Variants in RRP7A observed in about 807,000 individuals in gnomAD.
RRP7A encodes the protein ribosomal RNA-processing protein 7 homolog A.
In RRP7A, 27 loss-of-function variants were observed where a neutral mutation model predicts 38.4. The observed-to-expected ratio is 0.70, with a 90% CI of 0.52 to 0.97. The LOEUF (loss-of-function observed/expected upper bound fraction) is 0.97. RRP7A is among the 50% of genes least tolerant of loss of function. The probability of loss-of-function intolerance (pLI) is 0.00; values close to 1 mark genes in which losing one functional copy is unlikely to be tolerated. For synonymous variants in RRP7A, 124 were observed against 150.3 expected (o/e 0.83, Z 1.28); for missense variants, 327 against 375.4 (o/e 0.87, Z 1.07).
intron 6 of RRP7A, 57 bp from the exon 7 acceptor site, chr22:42,513,052 C>G (rs1251217452): frequency 6.9e-7 from 1 of 1,440,090 alleles, no homozygotes; most frequent in East Asian, 2.3e-5. Flanking sequence ...GGGAAGCTGG[C>G]TTGCTCATGC....
At chr22:42,516,919 T>G (rs1920931478) in intron 2 of RRP7A, among the ~76,000 whole-genome samples, 2 of 152,176 alleles carry the variant, frequency 1.3e-5, no homozygotes, top group South Asian at 4.1e-4. Flanking sequence ...TCTACATGCT[T>G]CTTTTTTTCT....
rs1212400975 is a variant in RRP7A at position 42,509,626 on chromosome 22, G to T, written c.*3284C>A. On this transcript the variant is annotated 3_prime_UTR_variant, in exon 7 of 7. Transcript: ENST00000323013. The stretch of plus-strand genomic sequence containing the variant: ...TTACAGGCGAGAGCCACCGTGCGTG[G>T]CCCACCATAGACGATTTTTAAGCCA... Among the ~76,000 whole-genome samples, 1 of 151,862 alleles carries T rather than the reference G, an allele frequency of 6.6e-6. No homozygotes were observed. Among genetic ancestry groups the T allele is most frequent in the African/African-American group, 2.4e-5 (1 of 41,352 alleles).
chr22:42,511,537 C>T lies in RRP7A; in HGVS notation c.*1373G>A. 6.2e-6 allele frequency: 1 copy of T among 161,462 alleles called. No individual in the cohort carries two copies. The allele number at this position is 161,462 out of a possible 1,614,324, so 10.0% of individuals were successfully genotyped here. A position where few individuals can be genotyped will look rare whatever the true frequency, so the allele number is the denominator to read the frequency against. On this transcript the variant is annotated 3_prime_UTR_variant, in exon 7 of 7. Coordinates refer to ENST00000323013, the MANE Select transcript of RRP7A (RefSeq NM_015703.5). ...ACCTGGCTGCCTCATCCCTCTGCAC[C>T]CATCACGCCAGTGGGCATGCTGGCT...
At position 42,512,144 on chromosome 22, in the gene RRP7A, C is replaced by T. The variant is rs1445017773; in HGVS notation, c.*766G>A. 1 of 1,547,420 alleles carries T rather than the reference C, an allele frequency of 6.5e-7. No homozygotes were observed. The highest frequency in any genetic ancestry group is 1.3e-5 in the African/African-American group (1 of 74,098). On this transcript the variant is annotated 3_prime_UTR_variant, in exon 7 of 7. Transcript: ENST00000323013. ...GGTTCCAGTTTGTGGAAGTCCCAGG[C>T]AATCACTGTGTCCACATGAGCGAAC...
chr22:42,513,251 G>A (rs375591924), intron 6 of RRP7A, among the ~76,000 whole-genome samples: 12 of 141,906 alleles, frequency 8.5e-5, no homozygotes, highest in East Asian at 7.9e-4. Context: ...AAGCCCTAGC[G>A]ACAAAGCAAA....
chr22:42,514,580 A>G lies in RRP7A; in HGVS notation c.558+102T>C, dbSNP rs1018495274. On this transcript the variant is annotated intron_variant, in intron 5 of 6. Coordinates refer to ENST00000323013, the MANE Select transcript of RRP7A (RefSeq NM_015703.5). ...GGGAAACAGGGAGCCTGGCCTCTAC[A>G]GAGTGGCCAAGGACAGGCCACCACT... 9 of 1,023,788 alleles carry G rather than the reference A, an allele frequency of 8.8e-6. No individual in the cohort carries two copies. In the African/African-American group the frequency reaches 1.1e-4, roughly 13 times the overall value. The allele number at this position is 1,023,788 out of a possible 1,614,324, so 63.4% of individuals were successfully genotyped here. A position where few individuals can be genotyped will look rare whatever the true frequency, so the allele number is the denominator to read the frequency against.
intron 1 of RRP7A, chr22:42,518,821 C>T (rs1188789150): frequency 4.3e-6 from 2 of 462,452 alleles, no homozygotes; most frequent in East Asian, 7.0e-5. Context: ...CTCACACCTC[C>T]GTCACAGTAC....
rs1436345558 is a variant in RRP7A at position 42,514,271 on chromosome 22, G to C, written c.592C>G (p.Pro198Ala). ...ACCTTCACCCAGCCCTCCTCGTCAG[G>C]GACCCCCTCCTCCTCCTTGGCCTTA... Reference protein sequence around the residue: ...EAKAKEEEGVPDEEGWVKVTR... With the variant: ...EAKAKEEEGVADEEGWVKVTR... Residue 198 changes from proline (P) to alanine (A), a missense_variant, in exon 6 of 7, where the codon CCT (proline) becomes GCT (alanine). Physicochemically the swap from Pro to Ala is conservative, Grantham distance 27. This residue lies in a region of RRP7A where 46 missense variants were observed against 93.0 expected (regional missense o/e 0.49). Coordinates refer to ENST00000323013, the MANE Select transcript of RRP7A (RefSeq NM_015703.5). The C allele has an allele frequency of 6.3e-7, 1 of 1,599,040 alleles. No homozygotes were observed. The highest frequency in any genetic ancestry group is 8.5e-7 in the Non-Finnish European group (1 of 1,172,670).
chr22:42,519,478 C>A (rs949832083), intron 1 of RRP7A, among the ~76,000 whole-genome samples: 2 of 152,122 alleles, frequency 1.3e-5, no homozygotes, highest in Non-Finnish European at 2.9e-5. Context: ...GGCGGGCTCA[C>A]CCAAGGGAAG....
chr22:42,519,427 T>A (rs901250743), intron 1 of RRP7A, among the ~76,000 whole-genome samples: 1 of 152,150 alleles, frequency 6.6e-6, no homozygotes, highest in African/African-American at 2.4e-5. Flanking sequence ...CGAGCGGGTG[T>A]GGACGGAAAT....
intron 3 of RRP7A, 143 bp downstream of exon 3, chr22:42,515,868 C>T (rs1920928059): frequency 7.3e-6 from 8 of 1,089,554 alleles, no homozygotes; most frequent in Non-Finnish European, 9.0e-6. Context: ...CTTTGTCACC[C>T]AGACAGTCTC....
Position 42,510,661 on chromosome 22 carries a change from G to C in RRP7A, c.*2249C>G. On this transcript the variant is annotated 3_prime_UTR_variant, in exon 7 of 7. Transcript: ENST00000323013. ...TCCACGGATATTTTGATCCAAGAGA[G>C]AATTACTCTGACAAGGAGTCCCTGT... 1 of 1,391,966 alleles carries C rather than the reference G, an allele frequency of 7.2e-7. No homozygotes were observed. Among genetic ancestry groups the C allele is most frequent in the Non-Finnish European group, 1.0e-6 (1 of 1,003,256 alleles). 86.2% of individuals were successfully genotyped at this position (1,391,966 alleles called of 1,614,324 possible).
rs563217232 is a variant in RRP7A at position 42,517,789 on chromosome 22, G to C, written c.216+216C>G. Among the ~76,000 whole-genome samples, 8 of 152,276 alleles carry C rather than the reference G, an allele frequency of 5.3e-5. No homozygotes were observed. In the East Asian group the frequency reaches 1.5e-3, roughly 29 times the overall value. On this transcript the variant is annotated intron_variant, in intron 2 of 6. Transcript: ENST00000323013. Reference sequence around the variant, plus strand: ...CCCGCCTCAGCCTCCCAAAGTGCTGGGATTACAGGCATGAGCCACCGTGCC... The same window carrying C: ...CCCGCCTCAGCCTCCCAAAGTGCTGCGATTACAGGCATGAGCCACCGTGCC...
chr22:42,515,463 C>T (rs557070968), intron 3 of RRP7A, among the ~76,000 whole-genome samples, 195 bp from the exon 4 acceptor site: 469 of 152,282 alleles, frequency 3.1e-3, no homozygotes, highest in Non-Finnish European at 4.9e-3. Flanking sequence ...CCTGCTTCTG[C>T]GGGAAGTGAC....
At chr22:42,516,716 A>C (rs5751293) in intron 2 of RRP7A, among the ~76,000 whole-genome samples, 1 of 151,898 alleles carries the variant, frequency 6.6e-6, no homozygotes, top group African/African-American at 2.4e-5. Context: ...ACCCTATGCT[A>C]TGACAGTTGG....
chr22:42,509,364 T>C lies in RRP7A; in HGVS notation c.*3546A>G, dbSNP rs1209495919. Reference sequence around the variant, plus strand: ...TTTCCACAGGTGTCAGCGGGGGGCATGCCCAGGTAAGGCTCCATAACCAGT... The same window carrying C: ...TTTCCACAGGTGTCAGCGGGGGGCACGCCCAGGTAAGGCTCCATAACCAGT... On this transcript the variant is annotated 3_prime_UTR_variant, in exon 7 of 7. Coordinates refer to ENST00000323013, the MANE Select transcript of RRP7A (RefSeq NM_015703.5). 6.6e-6 allele frequency among the ~76,000 whole-genome samples: 1 copy of C among 150,856 alleles called. No homozygotes were observed. Among genetic ancestry groups the C allele is most frequent in the Non-Finnish European group, 1.5e-5 (1 of 67,454 alleles).
chr22:42,510,650 G>C lies in RRP7A; in HGVS notation c.*2260C>G, dbSNP rs769798137. On this transcript the variant is annotated 3_prime_UTR_variant, in exon 7 of 7. Transcript: ENST00000323013. ...TTCCAGAGCAGTCCACGGATATTTT[G>C]ATCCAAGAGAGAATTACTCTGACAA... 7.4e-7 allele frequency: 1 copy of C among 1,355,384 alleles called. No individual in the cohort carries two copies. The highest frequency in any genetic ancestry group is 1.0e-6 in the Non-Finnish European group (1 of 974,356). The allele number at this position is 1,355,384 out of a possible 1,614,324, so 84.0% of individuals were successfully genotyped here.
At position 42,512,523 on chromosome 22, in the gene RRP7A, C is replaced by T. The variant is rs571038312; in HGVS notation, c.*387G>A. 2 of 546,514 alleles carry T rather than the reference C, an allele frequency of 3.7e-6. No individual in the cohort carries two copies. The highest frequency in any genetic ancestry group is 1.9e-5 in the African/African-American group (1 of 52,996). The allele number at this position is 546,514 out of a possible 1,614,324, so 33.9% of individuals were successfully genotyped here. On this transcript the variant is annotated 3_prime_UTR_variant, in exon 7 of 7. Transcript: ENST00000323013. ...GGGCCCACCTAGCCTTTCCCTGCTG[C>T]CCAACTGGATGGAAAATAAAAGGTT...
intron 1 of RRP7A, among the ~76,000 whole-genome samples, chr22:42,519,382 G>C (rs916975391): frequency 6.6e-6 from 1 of 152,182 alleles, no homozygotes; most frequent in African/African-American, 2.4e-5. Context: ...TGGACTAGGA[G>C]CAGAGGCGAT....
Sources: gnomAD v4.1 joint callset for allele counts (sites outside exome capture counted in the v4.1 genomes callset) on GRCh38, gnomAD v4.1.1 for gene constraint, gnomAD v4.1.1 regional missense constraint, MANE v1.5 for transcripts, NCBI Gene and HGNC (gene_info 2026-07-23, HGNC 2026-07-21) for gene names.